Variants in DOK6 observed in about 807,000 individuals in gnomAD.
DOK6 encodes docking protein 6.
DOK6 carries 22 observed loss-of-function variants against 44.0 expected under a neutral mutation model. The ratio of observed to expected loss-of-function variants is 0.50; its 90% CI spans 0.36 to 0.71. The LOEUF (loss-of-function observed/expected upper bound fraction) is 0.71. DOK6 is among the 30% of genes least tolerant of loss of function. The pLI, the probability that DOK6 is intolerant of heterozygous loss-of-function variation, is 0.00. For synonymous variants in DOK6, 166 were observed against 145.5 expected, an observed-to-expected ratio of 1.14 and a Z score of -1.01; for missense variants, 340 against 416.4, an observed-to-expected ratio of 0.82 and a Z score of 1.60.
In DOK6 at chr18:69,692,652, T is replaced by C. The variant is rs552001375; in HGVS notation, c.410-5752T>C. The stretch of plus-strand genomic sequence containing the variant: ...TAAAAACAATGAAGTGAAATTCTCC[T>C]ATTTAGAGTTGACATTTGCCATTTA... On this transcript the variant is annotated intron_variant, in intron 4 of 7. Coordinates refer to ENST00000382713, the MANE Select transcript of DOK6 (RefSeq NM_152721.6). Among the ~76,000 whole-genome samples the C allele has an allele frequency of 1.3e-3, 197 of 152,348 alleles. 4 individuals are homozygous for C. The highest frequency in any genetic ancestry group is 4.7e-3 in the African/African-American group (197 of 41,586).
At chr18:69,528,937 A>T (rs1981911339) in intron 1 of DOK6, among the ~76,000 whole-genome samples, 1 of 152,202 alleles carries the variant, frequency 6.6e-6, no homozygotes, top group Non-Finnish European at 1.5e-5. Flanking sequence ...CCAGTGTAAA[A>T]GGGATCAAGA....
At chr18:69,608,397 G>T (rs1342081639) in intron 3 of DOK6, among the ~76,000 whole-genome samples, 2 of 152,110 alleles carry the variant, frequency 1.3e-5, no homozygotes, top group Non-Finnish European at 2.9e-5. Context: ...AAACTGTTTT[G>T]ATTATGGTAA....
intron 3 of DOK6, among the ~76,000 whole-genome samples, chr18:69,652,460 G>A (rs1043687006): frequency 6.6e-6 from 1 of 152,176 alleles, no homozygotes; most frequent in Non-Finnish European, 1.5e-5. Flanking sequence ...AACTGGGAAG[G>A]AGCTGAGAGA....
chr18:69,435,068 AAGGAAGGAAGGAAG>A (rs1296113767), intron 1 of DOK6, among the ~76,000 whole-genome samples: 77 of 150,794 alleles, frequency 5.1e-4, no homozygotes, highest in African/African-American at 1.5e-3. Flanking sequence ...GGAAGGAAGG[AAGGAAGGAAGGAAG>A]GAAGGAAGGA....
intron 1 of DOK6, among the ~76,000 whole-genome samples, chr18:69,514,882 A>G (rs1981476246): frequency 6.6e-6 from 1 of 151,180 alleles, no homozygotes; most frequent in Non-Finnish European, 1.5e-5. Flanking sequence ...TGGGCTTTGC[A>G]GGCATTGCCA....
chr18:69,841,144 TAAAAA>T, intron 7 of DOK6, 95 bp from the exon 8 acceptor site: 1 of 1,466,158 alleles, frequency 6.8e-7, no homozygotes, highest in Middle Eastern at 1.8e-4. Flanking sequence ...TTATTGTTCT[TAAAAA>T]TATAGATAGA....
intron 1 of DOK6, among the ~76,000 whole-genome samples, chr18:69,514,596 A>C (rs1411201312): frequency 6.6e-6 from 1 of 152,148 alleles, no homozygotes; most frequent in East Asian, 1.9e-4. Context: ...ACTATAAGCA[A>C]GTAGGTAGTT....
At chr18:69,599,353 A>C (rs751871547) in intron 2 of DOK6, 31 bp from the exon 3 acceptor site, 1 of 1,525,296 alleles carries the variant, frequency 6.6e-7, no homozygotes, top group South Asian at 1.1e-5. Flanking sequence ...TACATACTGT[A>C]CACTAAGTTA....
chr18:69,530,322 T>G (rs1443556533), intron 1 of DOK6, among the ~76,000 whole-genome samples: 4 of 152,120 alleles, frequency 2.6e-5, no homozygotes, highest in Non-Finnish European at 5.9e-5. Flanking sequence ...AGCTGCATCT[T>G]AAAGCAAAAA....
chr18:69,643,511 G>T (rs371240201), intron 3 of DOK6, among the ~76,000 whole-genome samples: 1 of 152,094 alleles, frequency 6.6e-6, no homozygotes, highest in Admixed American at 6.6e-5. Flanking sequence ...AATTGACTCA[G>T]GTAGGATGTA....
At chr18:69,494,268 G>A (rs1599157876) in intron 1 of DOK6, among the ~76,000 whole-genome samples, 1 of 152,150 alleles carries the variant, frequency 6.6e-6, no homozygotes, top group Non-Finnish European at 1.5e-5. Context: ...CTGAGGTCAG[G>A]AGTTTGAGAC....
At position 69,702,400 on chromosome 18, in the gene DOK6, T is replaced by G. The variant is rs193110191; in HGVS notation, c.599+3807T>G. Among the ~76,000 whole-genome samples, 140 of 152,254 alleles carry G rather than the reference T, an allele frequency of 9.2e-4. 1 individual carries two copies. The highest frequency in any genetic ancestry group is 3.2e-3 in the African/African-American group (134 of 41,546). ...TGACTGAAACATTGAAGAGTTGCAA[T>G]TAACTAAAATATAGTCAAACACAAG... On this transcript the variant is annotated intron_variant, in intron 5 of 7. Coordinates refer to ENST00000382713, the MANE Select transcript of DOK6 (RefSeq NM_152721.6).
At chr18:69,458,561 G>A (rs1373406605) in intron 1 of DOK6, among the ~76,000 whole-genome samples, 1 of 152,086 alleles carries the variant, frequency 6.6e-6, no homozygotes, top group African/African-American at 2.4e-5. Context: ...GCAAGGGAAA[G>A]GAATAAAAGG....
At chr18:69,516,203 A>T (rs950636731) in intron 1 of DOK6, among the ~76,000 whole-genome samples, 8 of 151,788 alleles carry the variant, frequency 5.3e-5, no homozygotes, top group African/African-American at 1.9e-4. Context: ...AATGTTTCAC[A>T]TTCTAGGTAT....
intron 3 of DOK6, among the ~76,000 whole-genome samples, chr18:69,659,613 A>T (rs1326052722): frequency 1.3e-5 from 2 of 152,090 alleles, no homozygotes; most frequent in Non-Finnish European, 1.5e-5. Context: ...GGAGTGGAGG[A>T]TCAGGATGGA....
intron 5 of DOK6, among the ~76,000 whole-genome samples, chr18:69,733,686 G>A (rs1198857169): frequency 2.0e-5 from 3 of 151,896 alleles, no homozygotes; most frequent in Non-Finnish European, 2.9e-5. Flanking sequence ...ACATTAGCAT[G>A]CTCTACATAT....
intron 3 of DOK6, among the ~76,000 whole-genome samples, chr18:69,673,230 G>GTATATA (rs71176998): frequency 0.29 from 43,809 of 150,032 alleles, 7,520 homozygotes; most frequent in East Asian, 0.65. Context: ...TTTTCTGTGT[G>GTATATA]TATATATATA....
At chr18:69,495,586 A>G (rs1980860306) in intron 1 of DOK6, among the ~76,000 whole-genome samples, 1 of 152,136 alleles carries the variant, frequency 6.6e-6, no homozygotes, top group Non-Finnish European at 1.5e-5. Context: ...GGGCAGCTAT[A>G]GGCGGGCCCA....
intron 4 of DOK6, among the ~76,000 whole-genome samples, chr18:69,695,973 G>A (rs1202947209): frequency 6.6e-6 from 1 of 152,116 alleles, no homozygotes; most frequent in Non-Finnish European, 1.5e-5. Context: ...AATTTCACCT[G>A]CTGGTATTGA....
Sources: allele counts gnomAD v4.1 joint callset (sites outside exome capture counted in the v4.1 genomes callset), GRCh38; gene constraint gnomAD v4.1.1; transcripts MANE v1.5; gene names NCBI Gene and HGNC (gene_info 2026-07-23, HGNC 2026-07-21).